The following NDUFB5 variants were observed in gnomAD, a reference collection of about 807,000 sequenced individuals.
NDUFB5 encodes the protein NADH:ubiquinone oxidoreductase subunit B5.
A neutral mutation model predicts 19.4 loss-of-function variants in NDUFB5; 19 were observed. The observed-to-expected ratio is 0.98, with a 90% CI of 0.68 to 1.43. The LOEUF (loss-of-function observed/expected upper bound fraction) is 1.43, where lower values mean the gene tolerates loss of function less well. NDUFB5 is among the 40% of genes most tolerant of loss of function. The pLI, the probability that NDUFB5 is intolerant of heterozygous loss-of-function variation, is 0.00. For synonymous variants in NDUFB5, 80 were observed against 82.6 expected, an observed-to-expected ratio of 0.97 and a Z score of 0.17; for missense variants, 233 against 236.5, an observed-to-expected ratio of 0.99 and a Z score of 0.10.
At chr3:179,605,645 C>A (rs1041070421) in intron 1 of NDUFB5, among the ~76,000 whole-genome samples, 3 of 151,802 alleles carry the variant, frequency 2.0e-5, no homozygotes, top group Non-Finnish European at 2.9e-5. Context: ...TTTAAAAAAA[C>A]CATAATGTTT....
At chr3:179,606,548 T>G (rs1719107280) in intron 1 of NDUFB5, among the ~76,000 whole-genome samples, 1 of 151,962 alleles carries the variant, frequency 6.6e-6, no homozygotes, top group Non-Finnish European at 1.5e-5. Context: ...TCATGTTGGC[T>G]AGGCTGGTCT....
At chr3:179,623,666 T>G (rs1719591758) in intron 5 of NDUFB5, among the ~76,000 whole-genome samples, 1 of 152,056 alleles carries the variant, frequency 6.6e-6, no homozygotes, top group Non-Finnish European at 1.5e-5. Context: ...CGTGCAAGAC[T>G]CCGTCTCAAA....
chr3:179,605,005 C>T, intron 1 of NDUFB5, 66 bp downstream of exon 1: 1 of 1,472,258 alleles, frequency 6.8e-7, no homozygotes, highest in South Asian at 1.4e-5. Context: ...AGGACGCTTC[C>T]AGGGTGACCT....
intron 1 of NDUFB5, among the ~76,000 whole-genome samples, chr3:179,614,380 T>C (rs1452358680): frequency 6.6e-6 from 1 of 152,230 alleles, no homozygotes; most frequent in Non-Finnish European, 1.5e-5. Context: ...TAATTCCTGC[T>C]GGTGATTTGT....
rs1485799261 is a variant in NDUFB5 at position 179,625,614 on chromosome 3, T to C, written c.*1574T>C. On this transcript the variant is annotated 3_prime_UTR_variant, in exon 6 of 6. Coordinates refer to ENST00000259037, the MANE Select transcript of NDUFB5 (RefSeq NM_002492.4). ...TTATATGTTATTGTTAACTATAATTTACCTACTGTACTATCAAATACTAGA... is the reference window on the plus strand; with the variant it reads ...TTATATGTTATTGTTAACTATAATTCACCTACTGTACTATCAAATACTAGA... 6.6e-6 allele frequency: 1 copy of C among 152,002 alleles called. No homozygotes were observed. Among genetic ancestry groups the C allele is most frequent in the Non-Finnish European group, 1.5e-5 (1 of 68,022 alleles). The allele number at this position is 152,002 out of a possible 1,614,324, so 9.4% of individuals were successfully genotyped here.
rs1278383501 is a variant in NDUFB5, at chr3:179,613,032, A to G, written c.125-1939A>G. Among the ~76,000 whole-genome samples, 3 of 152,108 alleles carry G rather than the reference A, an allele frequency of 2.0e-5. No individual in the cohort carries two copies. In the East Asian group the frequency reaches 5.8e-4, roughly 29 times the overall value. ...TCTGGGAGTTCCAGGCGGAACTTCC[A>G]CTTACCTTATTATGTTGAATCCTTT... On this transcript the variant is annotated intron_variant, in intron 1 of 5. Transcript: ENST00000259037.
chr3:179,606,453 C>T (rs1719104480), intron 1 of NDUFB5, among the ~76,000 whole-genome samples: 1 of 152,134 alleles, frequency 6.6e-6, no homozygotes, highest in Non-Finnish European at 1.5e-5. Context: ...ATTCTCCTGC[C>T]TCAGCCTCTT....
intron 1 of NDUFB5, among the ~76,000 whole-genome samples, chr3:179,608,347 A>C (rs1480501806): frequency 6.6e-6 from 1 of 152,010 alleles, no homozygotes; most frequent in Non-Finnish European, 1.5e-5. Context: ...GCACACCTCC[A>C]TGCCCGGCTA....
intron 3 of NDUFB5, 113 bp from the exon 4 acceptor site, chr3:179,616,870 T>G (rs930383505): frequency 4.8e-5 from 35 of 736,104 alleles, no homozygotes; most frequent in Non-Finnish European, 7.2e-5. Flanking sequence ...TGGTACAAAT[T>G]TTTTAAAGAA....
rs1719039809 is a variant in NDUFB5, at chr3:179,604,938, T to C, written c.123T>C (p.Ala41=). 1.3e-6 allele frequency: 2 copies of C among 1,581,944 alleles called. No homozygotes were observed. Among genetic ancestry groups the C allele is most frequent in the Non-Finnish European group, 1.7e-6 (2 of 1,169,148 alleles). The change falls in exon 1 of 6, where the codon GCT becomes GCC. Residue 41 remains alanine, a splice_region_variant and synonymous_variant. Coordinates refer to ENST00000259037, the MANE Select transcript of NDUFB5 (RefSeq NM_002492.4). Reference sequence around the variant, plus strand: ...TCACTCGTGGCTTTCCGAAGGCTGCTGGTGGGTGCTGGCCTAGGGAGAACG... The same window carrying C: ...TCACTCGTGGCTTTCCGAAGGCTGCCGGTGGGTGCTGGCCTAGGGAGAACG... ...GFLTRGFPKA[A]APVRHSGDHG...
intron 1 of NDUFB5, among the ~76,000 whole-genome samples, chr3:179,613,539 T>C (rs1056331723): frequency 2.0e-5 from 3 of 152,188 alleles, no homozygotes; most frequent in African/African-American, 7.2e-5. Flanking sequence ...AATTAATGAG[T>C]ACTTTGTACT....
At position 179,615,029 on chromosome 3, in the gene NDUFB5, A is replaced by G. The variant is rs1430399460; in HGVS notation, c.183A>G (p.Arg61=). ...GKRLFVIRPS[R]FYDRRFLKLL... ...GACTATTTGTCATCAGACCTTCTAG[A>G]TTCTATGACAGGCGTTTTTTGAAGT... is the stretch of plus-strand genomic sequence containing the variant. Residue 61 remains arginine, a synonymous_variant, in exon 2 of 6, where the codon AGA becomes AGG. Coordinates refer to ENST00000259037, the MANE Select transcript of NDUFB5 (RefSeq NM_002492.4). The G allele has an allele frequency of 6.2e-7, 1 of 1,607,758 alleles. No homozygotes were observed. The highest frequency in any genetic ancestry group is 8.5e-7 in the Non-Finnish European group (1 of 1,176,034).
At chr3:179,614,757 T>C (rs777517848) in intron 1 of NDUFB5, 3 of 292,654 alleles carry the variant, frequency 1.0e-5, no homozygotes, top group Non-Finnish European at 1.9e-5. Flanking sequence ...TAAGAATGTA[T>C]ATTTTCTTTT....
chr3:179,621,834 A>G (rs1271190824), intron 5 of NDUFB5, among the ~76,000 whole-genome samples: 1 of 151,936 alleles, frequency 6.6e-6, no homozygotes, highest in Non-Finnish European at 1.5e-5. Context: ...CTTTCTATGT[A>G]TTTACTCATT....
At chr3:179,606,367 C>G (rs1188812450) in intron 1 of NDUFB5, among the ~76,000 whole-genome samples, 1 of 152,056 alleles carries the variant, frequency 6.6e-6, no homozygotes, top group African/African-American at 2.4e-5. Flanking sequence ...AAGACGGAGT[C>G]TTGCTCTGTT....
rs773005185 is a variant in NDUFB5, at chr3:179,606,990, T to C, written c.124+2051T>C. ...TATAAGCCATTTCTGATTACAGATATTCTCATATAGCCAAATACAAATCCT... is the reference window on the plus strand; with the variant it reads ...TATAAGCCATTTCTGATTACAGATACTCTCATATAGCCAAATACAAATCCT... On this transcript the variant is annotated intron_variant, in intron 1 of 5. Coordinates refer to ENST00000259037, the MANE Select transcript of NDUFB5 (RefSeq NM_002492.4). Among the ~76,000 whole-genome samples, 9 of 152,348 alleles carry C rather than the reference T, an allele frequency of 5.9e-5. No individual in the cohort carries two copies. The East Asian group carries it at 1.7e-3, about 29-fold the overall frequency.
In NDUFB5 at chr3:179,623,921, G is replaced by T; in HGVS notation, c.451G>T (p.Val151Leu). 6.2e-7 allele frequency: 1 copy of T among 1,613,810 alleles called. No individual in the cohort carries two copies. The highest frequency in any genetic ancestry group is 2.2e-5 in the East Asian group (1 of 44,842). Residue 151 changes from valine to leucine, a missense_variant and splice_region_variant, in exon 6 of 6, where the codon GTA becomes TTA. Val to Leu is a conservative substitution (Grantham distance 32). Coordinates refer to ENST00000259037, the MANE Select transcript of NDUFB5 (RefSeq NM_002492.4). ...ATATTGCTGTTCCATTTGTTACAGG[G>T]TAAAGGAGCTGGAAGTGCGAAAATT... is the stretch of plus-strand genomic sequence containing the variant. ...QIEAEKAELRVKELEVRKLMH... is the reference protein window; with the variant it reads ...QIEAEKAELRLKELEVRKLMH...
intron 1 of NDUFB5, among the ~76,000 whole-genome samples, chr3:179,608,772 C>T (rs753669892): frequency 6.6e-6 from 1 of 152,140 alleles, no homozygotes; most frequent in Non-Finnish European, 1.5e-5. Flanking sequence ...CCTGCTAAAT[C>T]ACGGAGGTTT....
intron 5 of NDUFB5, among the ~76,000 whole-genome samples, chr3:179,621,912 ATAAT>A (rs1719548372): frequency 6.6e-6 from 1 of 152,172 alleles, no homozygotes; most frequent in Non-Finnish European, 1.5e-5. Flanking sequence ...ATCTCTGATG[ATAAT>A]TAAATCAGTA....
Sources: gnomAD v4.1 joint callset for allele counts (sites outside exome capture counted in the v4.1 genomes callset) on GRCh38, gnomAD v4.1.1 for gene constraint, MANE v1.5 for transcripts, NCBI Gene and HGNC (gene_info 2026-07-23, HGNC 2026-07-21) for gene names.